The following CACNA2D3 variants were observed in gnomAD, a reference collection of about 807,000 sequenced individuals.
CACNA2D3 encodes the protein calcium voltage-gated channel auxiliary subunit alpha2delta 3.
Under a neutral mutation model 160.6 loss-of-function variants are expected in CACNA2D3, and 60 were observed. That is an observed-to-expected ratio of 0.37 (90% CI 0.30 to 0.46). The LOEUF is 0.46. Ranked by LOEUF, CACNA2D3 falls within the 20% of genes least tolerant of loss-of-function variation. The probability of loss-of-function intolerance (pLI) is 1.00; values close to 1 mark genes in which losing one functional copy is unlikely to be tolerated. For missense variants in CACNA2D3, 1,205 were observed against 1,365.0 expected (o/e 0.88, Z 1.85); for synonymous variants, 558 against 492.9 (o/e 1.13, Z -1.75).
At position 54,460,354 on chromosome 3, in the gene CACNA2D3, G is replaced by A. The variant is rs948866785; in HGVS notation, c.382-43138G>A. The stretch of plus-strand genomic sequence containing the variant: ...GAAGGGGATGGCATTGAATCTATAA[G>A]TTACCTTGGGCAGTATGGCCATTTT... On this transcript the variant is annotated intron_variant, in intron 4 of 37. Transcript: ENST00000474759. Among the ~76,000 whole-genome samples, 7 of 152,174 alleles carry A rather than the reference G, an allele frequency of 4.6e-5. No homozygotes were observed. The East Asian group carries it at 1.2e-3, about 25-fold the overall frequency.
chr3:55,068,180 CAAG>C (rs1263050089), intron 35 of CACNA2D3, among the ~76,000 whole-genome samples: 2 of 152,180 alleles, frequency 1.3e-5, no homozygotes, highest in African/African-American at 4.8e-5. Flanking sequence ...TGGAGAGGTG[CAAG>C]GGCAAGTGTG....
intron 9 of CACNA2D3, among the ~76,000 whole-genome samples, chr3:54,601,550 G>A (rs1470968380): frequency 6.6e-6 from 1 of 152,068 alleles, no homozygotes; most frequent in African/African-American, 2.4e-5. Flanking sequence ...CCCAAAGCCT[G>A]CAGGATCAGA....
chr3:55,023,234 C>T (rs2107166165), intron 35 of CACNA2D3, among the ~76,000 whole-genome samples: 1 of 152,286 alleles, frequency 6.6e-6, no homozygotes, highest in East Asian at 1.9e-4. Flanking sequence ...ATGGCTTTTA[C>T]AGTGTTCAGT....
At chr3:54,626,667 G>A (rs1446818428) in intron 9 of CACNA2D3, 4 of 676,726 alleles carry the variant, frequency 5.9e-6, no homozygotes, top group Admixed American at 2.6e-5. Context: ...GCTAATAAAG[G>A]CGCACATGGT....
intron 4 of CACNA2D3, among the ~76,000 whole-genome samples, chr3:54,402,555 A>G (rs1032764037): frequency 6.6e-6 from 1 of 152,228 alleles, no homozygotes; most frequent in Non-Finnish European, 1.5e-5. Flanking sequence ...TCACTATTTA[A>G]TGATAAAGGG....
intron 35 of CACNA2D3, among the ~76,000 whole-genome samples, chr3:55,037,195 T>C: frequency 6.6e-6 from 1 of 152,224 alleles, no homozygotes; most frequent in East Asian, 1.9e-4. Context: ...GGTAAAGTTA[T>C]ACCAAAAGTT....
chr3:54,488,756 A>G (rs1470619038), intron 4 of CACNA2D3, among the ~76,000 whole-genome samples: 1 of 152,132 alleles, frequency 6.6e-6, no homozygotes, highest in Non-Finnish European at 1.5e-5. Flanking sequence ...AGAAACAGCT[A>G]TGCTTCCTCC....
At chr3:54,196,644 A>G (rs961238499) in intron 2 of CACNA2D3, among the ~76,000 whole-genome samples, 2 of 152,196 alleles carry the variant, frequency 1.3e-5, no homozygotes, top group Non-Finnish European at 2.9e-5. Flanking sequence ...AGTTATGAAT[A>G]TTTATGTTTC....
chr3:54,374,683 C>G (rs1698979625), intron 3 of CACNA2D3, among the ~76,000 whole-genome samples: 1 of 152,142 alleles, frequency 6.6e-6, no homozygotes, highest in Non-Finnish European at 1.5e-5. Context: ...AGTAAGGGCA[C>G]CAAGCTATAG....
intron 27 of CACNA2D3, among the ~76,000 whole-genome samples, chr3:54,932,136 G>A (rs144162986): frequency 0.017 from 2,566 of 152,102 alleles, 71 homozygotes; most frequent in African/African-American, 0.058. Flanking sequence ...CCGAGATCAC[G>A]CCACTACACA....
intron 3 of CACNA2D3, among the ~76,000 whole-genome samples, chr3:54,383,450 C>A (rs1415348641): frequency 6.6e-6 from 1 of 152,136 alleles, no homozygotes; most frequent in East Asian, 1.9e-4. Context: ...TCTGGGATAC[C>A]TATTTGCTTC....
chr3:54,909,401 T>C (rs1198638619), intron 27 of CACNA2D3, among the ~76,000 whole-genome samples: 1 of 152,002 alleles, frequency 6.6e-6, no homozygotes, highest in Non-Finnish European at 1.5e-5. Flanking sequence ...AGTGACCTTG[T>C]TGGGATTTTG....
chr3:54,787,418 C>T lies in CACNA2D3; in HGVS notation c.1380+23067C>T, dbSNP rs142404755. 4.4e-3 allele frequency among the ~76,000 whole-genome samples: 670 copies of T among 152,302 alleles called. 7 individuals carry two copies. The highest frequency in any genetic ancestry group is 0.015 in the African/African-American group (631 of 41,554). On this transcript the variant is annotated intron_variant, in intron 13 of 37. Coordinates refer to ENST00000474759, the MANE Select transcript of CACNA2D3 (RefSeq NM_018398.3). ...GGACCAGAAGCACAATTGATTTCTT[C>T]ACATGAAACTGGAAGGTAGCTGTTC...
intron 13 of CACNA2D3, among the ~76,000 whole-genome samples, chr3:54,783,354 C>A (rs530250169): frequency 6.6e-6 from 1 of 152,244 alleles, no homozygotes; most frequent in Admixed American, 6.5e-5. Flanking sequence ...ACCTGTAATC[C>A]CAGCACTTTG....
chr3:54,248,530 T>G (rs371325898), intron 2 of CACNA2D3, among the ~76,000 whole-genome samples: 182 of 147,988 alleles, frequency 1.2e-3, no homozygotes, highest in African/African-American at 4.2e-3. Context: ...GGTGGGGCCC[T>G]AATCCTAATC....
chr3:54,393,734 C>A (rs1325926758), intron 4 of CACNA2D3, among the ~76,000 whole-genome samples: 1 of 152,230 alleles, frequency 6.6e-6, no homozygotes, highest in African/African-American at 2.4e-5. Flanking sequence ...TGAGCAGCCA[C>A]ACATCCCTGG....
At position 54,503,696 on chromosome 3, in the gene CACNA2D3, CAG is replaced by C. The variant is rs140394125; in HGVS notation, c.544+43_544+44del. The C allele has an allele frequency of 5.2e-4, 824 of 1,582,972 alleles. 8 individuals are homozygous for C. In the African/African-American group the frequency reaches 9.6e-3, roughly 18 times the overall value. ...CTGCTCCTTTTAGAAGGTGAAGAAT[CAG>C]GGGGTTGAGAAGCAGGGGCTGGCTG... On this transcript the variant is annotated intron_variant, in intron 5 of 37. Coordinates refer to ENST00000474759, the MANE Select transcript of CACNA2D3 (RefSeq NM_018398.3).
intron 13 of CACNA2D3, among the ~76,000 whole-genome samples, chr3:54,815,386 T>TC (rs1341801873): frequency 1.3e-5 from 2 of 152,196 alleles, no homozygotes; most frequent in African/African-American, 4.8e-5. Flanking sequence ...CTTTGTGGGC[T>TC]CCATCCACAG....
chr3:54,751,587 C>T (rs73845449), intron 11 of CACNA2D3, among the ~76,000 whole-genome samples: 5 of 152,108 alleles, frequency 3.3e-5, no homozygotes, highest in Admixed American at 6.6e-5. Context: ...TGGAGCAGAT[C>T]GACTTCACAG....
Sources: gnomAD v4.1 joint callset for allele counts (sites outside exome capture counted in the v4.1 genomes callset) on GRCh38, gnomAD v4.1.1 for gene constraint, MANE v1.5 for transcripts, NCBI Gene and HGNC (gene_info 2026-07-23, HGNC 2026-07-21) for gene names.